The following GALNT6 variants were observed in gnomAD, a reference collection of about 807,000 sequenced individuals.
GALNT6 encodes the protein GalNAc transferase 6.
Under a neutral mutation model 65.9 loss-of-function variants are expected in GALNT6, and 51 were observed. That is an observed-to-expected ratio of 0.77 (90% confidence interval 0.62 to 0.98). The LOEUF (loss-of-function observed/expected upper bound fraction) is 0.98, where lower values mean the gene tolerates loss of function less well. Ranked by LOEUF, GALNT6 falls within the 50% of genes least tolerant of loss-of-function variation. GALNT6 has a pLI of 0.00. For synonymous variants in GALNT6, 323 were observed against 315.1 expected, an observed-to-expected ratio of 1.02 and a Z score of -0.26; for missense variants, 708 against 803.3, an observed-to-expected ratio of 0.88 and a Z score of 1.43.
intron 9 of GALNT6, 46 bp from the exon 10 acceptor site, chr12:51,357,496 G>A (rs1219540714): frequency 1.4e-6 from 2 of 1,431,072 alleles, no homozygotes; most frequent in South Asian, 1.1e-5. Flanking sequence ...GCACAGTCAG[G>A]AGGTTCCTCA....
chr12:51,357,039 G>T (rs1221371420), intron 10 of GALNT6, among the ~76,000 whole-genome samples: 1 of 152,168 alleles, frequency 6.6e-6, no homozygotes, highest in East Asian at 1.9e-4. Context: ...GTTGAGTGCA[G>T]GTGATGGGAT....
At chr12:51,374,412 A>G (rs1224842424) in intron 4 of GALNT6, among the ~76,000 whole-genome samples, 1 of 152,162 alleles carries the variant, frequency 6.6e-6, no homozygotes, top group East Asian at 1.9e-4. Context: ...GCTGCCAAGT[A>G]TCTGTCTTCC....
intron 2 of GALNT6, among the ~76,000 whole-genome samples, chr12:51,381,058 T>C (rs1353310377): frequency 6.6e-6 from 1 of 152,030 alleles, no homozygotes; most frequent in Admixed American, 6.6e-5. Context: ...GCTCAACGTA[T>C]TGAGAGCCCA....
At chr12:51,356,593 G>C (rs1946757659) in intron 10 of GALNT6, among the ~76,000 whole-genome samples, 2 of 150,236 alleles carry the variant, frequency 1.3e-5, no homozygotes, top group South Asian at 4.2e-4. Flanking sequence ...CAAACTCCTA[G>C]GCTCATGTGA....
intron 4 of GALNT6, among the ~76,000 whole-genome samples, chr12:51,367,960 C>T (rs549557350): frequency 8.3e-4 from 126 of 152,110 alleles, no homozygotes; most frequent in Non-Finnish European, 1.7e-3. Context: ...AGGATCCTAG[C>T]CAGTCTGCAT....
chr12:51,356,785 G>A (rs943273410), intron 10 of GALNT6, among the ~76,000 whole-genome samples: 1 of 151,970 alleles, frequency 6.6e-6, no homozygotes, highest in Non-Finnish European at 1.5e-5. Context: ...AATAAAAAAT[G>A]TTCTCCAGTG....
At chr12:51,380,763 C>T (rs1182995805) in intron 2 of GALNT6, among the ~76,000 whole-genome samples, 3 of 152,040 alleles carry the variant, frequency 2.0e-5, no homozygotes, top group Non-Finnish European at 4.4e-5. Context: ...TGCACTCCAG[C>T]CTGGGCAACA....
intron 4 of GALNT6, among the ~76,000 whole-genome samples, chr12:51,365,933 G>GTTGAGA (rs2137614906): frequency 6.6e-6 from 1 of 152,232 alleles, no homozygotes; most frequent in Admixed American, 6.5e-5. Context: ...TGTTGTTGTT[G>GTTGAGA]TTGAGATGGA....
intron 2 of GALNT6, among the ~76,000 whole-genome samples, chr12:51,390,207 G>A (rs1186830554): frequency 8.5e-6 from 1 of 118,298 alleles, no homozygotes; most frequent in Non-Finnish European, 1.7e-5. Flanking sequence ...TTATTGCCCA[G>A]GCTGGAATGC....
chr12:51,357,208 A>T, intron 10 of GALNT6, 141 bp downstream of exon 10: 2 of 594,376 alleles, frequency 3.4e-6, no homozygotes, highest in Non-Finnish European at 6.2e-6. Context: ...TGTGTGTGTT[A>T]TGCCTTCTCC....
In GALNT6 at chr12:51,390,947, T is replaced by C. The variant is rs1948061832; in HGVS notation, c.-191-10A>G. 1 of 152,228 alleles carries C rather than the reference T, an allele frequency of 6.6e-6. No homozygotes were observed. The highest frequency in any genetic ancestry group is 2.1e-4 in the South Asian group (1 of 4,834). The allele number at this position is 152,228 out of a possible 1,614,324, so 9.4% of individuals were successfully genotyped here. ...CTGGGAATCTGAACAACTGAGGAAATAGGGAAGTCGGTGACAGTCACAGTC... is the reference window on the plus strand; with the variant it reads ...CTGGGAATCTGAACAACTGAGGAAACAGGGAAGTCGGTGACAGTCACAGTC... On this transcript the variant is annotated splice_polypyrimidine_tract_variant and intron_variant, in intron 1 of 11. Transcript: ENST00000356317.
At chr12:51,355,706 A>G in intron 11 of GALNT6, 100 bp downstream of exon 11, 1 of 1,100,720 alleles carries the variant, frequency 9.1e-7, no homozygotes, top group Non-Finnish European at 1.3e-6. Context: ...TGACCTCGTG[A>G]TCTGCCCTCC....
intron 11 of GALNT6, 64 bp downstream of exon 11, chr12:51,355,742 C>G (rs1946725749): frequency 3.3e-6 from 5 of 1,514,932 alleles, no homozygotes; most frequent in Non-Finnish European, 4.5e-6. Flanking sequence ...GCTGGGATTA[C>G]AGGCGTGAGC....
chr12:51,391,029 C>G (rs1032611832), intron 1 of GALNT6, 92 bp from the exon 2 acceptor site: 15 of 152,630 alleles, frequency 9.8e-5, no homozygotes, highest in African/African-American at 3.6e-4. Flanking sequence ...CTTCCCACCC[C>G]CAAAAGCCCC....
intron 2 of GALNT6, among the ~76,000 whole-genome samples, chr12:51,386,176 C>G (rs554786539): frequency 6.6e-6 from 1 of 152,290 alleles, no homozygotes; most frequent in South Asian, 2.1e-4. Context: ...GGTCTAACAC[C>G]CTCATTTTAT....
Position 51,359,194 on chromosome 12 carries a change from T to A in GALNT6, c.1306A>T (p.Met436Leu). The A allele has an allele frequency of 6.2e-7, 1 of 1,614,198 alleles. No individual in the cohort carries two copies. Among genetic ancestry groups the A allele is most frequent in the Non-Finnish European group, 8.5e-7 (1 of 1,180,018 alleles). The change falls in exon 8 of 12, where the codon ATG becomes TTG. Residue 436 changes from methionine to leucine, a missense_variant. By Grantham distance (15) the Met-to-Leu change is conservative. Coordinates refer to ENST00000356317, the MANE Select transcript of GALNT6 (RefSeq NM_007210.4). ...RNQVRLAEVW[M>L]DSYKKIFYRR... ...TAGAAAATCTTCTTGTAGCTGTCCA[T>A]CCAGACCTCTGCCAGGCGCACTTGA...
At chr12:51,371,972 T>G (rs898903753) in intron 4 of GALNT6, among the ~76,000 whole-genome samples, 4 of 152,154 alleles carry the variant, frequency 2.6e-5, no homozygotes, top group Non-Finnish European at 5.9e-5. Context: ...TGAGGGTTTT[T>G]TCCTCCTTTC....
At chr12:51,359,549 A>C in intron 7 of GALNT6, 1 of 454,216 alleles carries the variant, frequency 2.2e-6, no homozygotes, top group South Asian at 5.2e-5. Flanking sequence ...CTCTGACTTA[A>C]GCACAGGGAG....
chr12:51,380,726 G>A (rs1488254963), intron 2 of GALNT6, among the ~76,000 whole-genome samples: 1 of 152,174 alleles, frequency 6.6e-6, no homozygotes, highest in East Asian at 1.9e-4. Context: ...GGGAGGCAGA[G>A]GTTGCAGTAG....
Sources: gnomAD v4.1 joint callset for allele counts (sites outside exome capture counted in the v4.1 genomes callset) on GRCh38, gnomAD v4.1.1 for gene constraint, MANE v1.5 for transcripts, NCBI Gene and HGNC (gene_info 2026-07-23, HGNC 2026-07-21) for gene names.